The following CPE variants were observed in gnomAD, a reference collection of about 807,000 sequenced individuals.
The protein encoded by CPE is carboxypeptidase E, also known as carbocypeptidase E.
CPE carries 17 observed loss-of-function variants against 53.5 expected under a neutral mutation model. The observed-to-expected ratio is 0.32, with a 90% CI of 0.22 to 0.48. CPE has a LOEUF of 0.48. CPE is among the 20% of genes least tolerant of loss of function. The pLI is 0.99. For missense variants in CPE, 524 were observed against 614.7 expected (o/e 0.85, Z 1.56); for synonymous variants, 226 against 228.8 (o/e 0.99, Z 0.11).
intron 1 of CPE, chr4:165,404,382 G>C: frequency 1.3e-6 from 1 of 767,616 alleles, no homozygotes; most frequent in South Asian, 1.4e-5. Flanking sequence ...GGCATCTTCA[G>C]ACTTGCTAAA....
chr4:165,437,804 G>C (rs897479721), intron 1 of CPE, among the ~76,000 whole-genome samples: 1 of 152,122 alleles, frequency 6.6e-6, no homozygotes, highest in Non-Finnish European at 1.5e-5. Flanking sequence ...GCTGAATCTT[G>C]AAGTATGAGT....
intron 1 of CPE, among the ~76,000 whole-genome samples, chr4:165,454,396 A>G (rs1731866760): frequency 6.6e-6 from 1 of 152,230 alleles, no homozygotes; most frequent in Non-Finnish European, 1.5e-5. Flanking sequence ...TTGACAAATT[A>G]ATTTGACTTT....
intron 3 of CPE, among the ~76,000 whole-genome samples, chr4:165,478,319 G>A (rs1286366022): frequency 6.6e-6 from 1 of 152,110 alleles, no homozygotes; most frequent in African/African-American, 2.4e-5. Context: ...AGGGGTCTCA[G>A]GATTTAGTCA....
chr4:165,436,861 G>T (rs566207503), intron 1 of CPE, among the ~76,000 whole-genome samples: 2 of 152,194 alleles, frequency 1.3e-5, no homozygotes, highest in African/African-American at 4.8e-5. Context: ...TTGTAGAGTC[G>T]AAGAGGAAAA....
intron 1 of CPE, among the ~76,000 whole-genome samples, chr4:165,436,182 C>A (rs1233157073): frequency 7.4e-6 from 1 of 134,378 alleles, no homozygotes; most frequent in Non-Finnish European, 1.6e-5. Context: ...CAGCATTTCC[C>A]AGCACACATA....
At chr4:165,470,348 C>G (rs900593729) in intron 3 of CPE, among the ~76,000 whole-genome samples, 2 of 152,106 alleles carry the variant, frequency 1.3e-5, no homozygotes, top group African/African-American at 4.8e-5. Context: ...GCACAGTAGC[C>G]TCCTAGCACT....
rs117605880 is a variant in CPE at position 165,476,878 on chromosome 4, G to T, written c.673-5364G>T. Among the ~76,000 whole-genome samples the T allele has an allele frequency of 7.1e-4, 108 of 151,074 alleles. 1 individual carries two copies. The East Asian group carries it at 0.02, about 28-fold the overall frequency. ...CCTGAAAATTATCTTTCATGGGAGA[G>T]GGGGAGCCAGAAAGGCGGCAGGCTG... is the stretch of plus-strand genomic sequence containing the variant. On this transcript the variant is annotated intron_variant, in intron 3 of 8. Transcript: ENST00000402744.
rs572780253 is a variant in CPE at position 165,414,030 on chromosome 4, A to T, written c.307+34502A>T. ...CATTTATTGAGCTCGCTTATAGCAC[A>T]CTGGGAAAAAAAGTCTTGGTTTTGT... On this transcript the variant is annotated intron_variant, in intron 1 of 8. Coordinates refer to ENST00000402744, the MANE Select transcript of CPE (RefSeq NM_001873.4). Among the ~76,000 whole-genome samples, 7 of 152,334 alleles carry T rather than the reference A, an allele frequency of 4.6e-5. No homozygotes were observed. In the South Asian group the frequency reaches 1.5e-3, roughly 32 times the overall value.
chr4:165,453,304 T>TC, intron 1 of CPE, among the ~76,000 whole-genome samples: 1 of 152,006 alleles, frequency 6.6e-6, no homozygotes, highest in African/African-American at 2.4e-5. Context: ...TCTTTTTCTT[T>TC]CTTTTTCCTT....
At chr4:165,392,291 CTA>C (rs1730694062) in intron 1 of CPE, among the ~76,000 whole-genome samples, 1 of 143,868 alleles carries the variant, frequency 7.0e-6, no homozygotes, top group South Asian at 2.1e-4. Context: ...TAGTATGTAT[CTA>C]TAATATATAT....
chr4:165,423,840 G>T (rs1731271249), intron 1 of CPE, among the ~76,000 whole-genome samples: 1 of 130,328 alleles, frequency 7.7e-6, no homozygotes. Flanking sequence ...TCCCCTTCCT[G>T]TGTCCATATG....
At chr4:165,434,035 T>C (rs1466802270) in intron 1 of CPE, among the ~76,000 whole-genome samples, 3 of 152,216 alleles carry the variant, frequency 2.0e-5, no homozygotes, top group Non-Finnish European at 1.5e-5. Context: ...CAACCTTCTG[T>C]CTTTAGCTTA....
chr4:165,487,320 G>C (rs1369702296), intron 5 of CPE, 118 bp from the exon 6 acceptor site: 2 of 1,365,636 alleles, frequency 1.5e-6, no homozygotes, highest in East Asian at 2.3e-5. Flanking sequence ...TTTCCCACAG[G>C]CTTCCCAAAT....
intron 1 of CPE, among the ~76,000 whole-genome samples, chr4:165,399,593 A>G (rs1730833970): frequency 6.6e-6 from 1 of 152,022 alleles, no homozygotes; most frequent in African/African-American, 2.4e-5. Context: ...GCTGGTTTTG[A>G]ACTCTTGACC....
At chr4:165,460,206 A>G (rs1286957691) in intron 1 of CPE, among the ~76,000 whole-genome samples, 4 of 152,160 alleles carry the variant, frequency 2.6e-5, no homozygotes, top group Middle Eastern at 3.2e-3. Context: ...TTGATGATGA[A>G]AAACTGTCAC....
chr4:165,477,995 C>T (rs1732333460), intron 3 of CPE, among the ~76,000 whole-genome samples: 1 of 152,192 alleles, frequency 6.6e-6, no homozygotes, highest in South Asian at 2.1e-4. Flanking sequence ...TGGTCACCTC[C>T]ACTGTTATCT....
At chr4:165,471,234 G>T (rs955530805) in intron 3 of CPE, among the ~76,000 whole-genome samples, 7 of 152,156 alleles carry the variant, frequency 4.6e-5, no homozygotes, top group Non-Finnish European at 8.8e-5. Context: ...TTAGAATATT[G>T]ATCCAGATTT....
intron 6 of CPE, among the ~76,000 whole-genome samples, chr4:165,490,188 G>A (rs1011712056): frequency 1.3e-5 from 2 of 152,174 alleles, no homozygotes; most frequent in African/African-American, 4.8e-5. Context: ...TTGTTTGAGA[G>A]GAAATCCCTT....
At chr4:165,402,490 T>C (rs925337837) in intron 1 of CPE, among the ~76,000 whole-genome samples, 4 of 152,158 alleles carry the variant, frequency 2.6e-5, no homozygotes, top group Non-Finnish European at 5.9e-5. Context: ...TGGGAGGTGT[T>C]TGGATCACAG....
Sources: gnomAD v4.1 joint callset for allele counts (sites outside exome capture counted in the v4.1 genomes callset) on GRCh38, gnomAD v4.1.1 for gene constraint, MANE v1.5 for transcripts, NCBI Gene and HGNC (gene_info 2026-07-23, HGNC 2026-07-21) for gene names.